Variants in PLAC1 observed in about 807,000 individuals in gnomAD.
The protein encoded by PLAC1 is placenta associated 1.
For synonymous variants in PLAC1, 68 were observed against 62.1 expected (o/e 1.09, Z -0.44); for missense variants, 136 against 163.2 (o/e 0.83, Z 0.91).
At chrX:134,577,426 C>T (rs991160140) in intron 2 of PLAC1, among the ~76,000 whole-genome samples, 4 of 111,729 alleles carry the variant, frequency 3.6e-5, no homozygotes, top group Admixed American at 9.5e-5. Context: ...CAGTGGCTCA[C>T]GCCTGTAATC....
chrX:134,620,747 G>GA (rs1379371518), intron 1 of PLAC1, among the ~76,000 whole-genome samples: 5 of 112,038 alleles, frequency 4.5e-5, no homozygotes, highest in Non-Finnish European at 9.4e-5. Context: ...CGTAGTGTTA[G>GA]AAAATGAGAA....
intron 1 of PLAC1, among the ~76,000 whole-genome samples, chrX:134,616,455 C>T (rs112907737): frequency 0.11 from 12,389 of 109,968 alleles, 1,759 homozygotes; most frequent in African/African-American, 0.39. Context: ...GCTAACATGG[C>T]GAAACCCCAT....
intron 1 of PLAC1, among the ~76,000 whole-genome samples, chrX:134,621,185 C>A (rs1022057266): frequency 4.5e-5 from 5 of 110,785 alleles, no homozygotes; most frequent in Non-Finnish European, 9.4e-5. Flanking sequence ...GTGGCTCATG[C>A]CTGTAATCCC....
intron 2 of PLAC1, among the ~76,000 whole-genome samples, chrX:134,584,792 T>C (rs917710060): frequency 4.5e-5 from 5 of 111,257 alleles, no homozygotes; most frequent in Non-Finnish European, 9.4e-5. Flanking sequence ...CCACAATGAA[T>C]TGCCTGTGTG....
At chrX:134,696,347 G>C (rs2078563069) in intron 2 of PLAC1, among the ~76,000 whole-genome samples, 1 of 111,527 alleles carries the variant, frequency 9.0e-6, no homozygotes, top group East Asian at 2.8e-4. Context: ...TGGGTAATGA[G>C]GGGGAGTGGA....
intron 2 of PLAC1, among the ~76,000 whole-genome samples, chrX:134,667,722 A>C (rs1236295486): frequency 3.6e-5 from 4 of 110,653 alleles, no homozygotes; most frequent in Non-Finnish European, 7.6e-5. Flanking sequence ...GGAGTTTGAG[A>C]TCCGCCTGGG....
At chrX:134,577,883 G>C (rs1453985423) in intron 2 of PLAC1, among the ~76,000 whole-genome samples, 1 of 109,605 alleles carries the variant, frequency 9.1e-6, no homozygotes, top group Non-Finnish European at 1.9e-5. Context: ...GGTTATTTAT[G>C]TAGGTCTTCT....
intron 1 of PLAC1, among the ~76,000 whole-genome samples, chrX:134,631,775 T>C (rs1264117711): frequency 8.9e-6 from 1 of 112,021 alleles, no homozygotes; most frequent in Non-Finnish European, 1.9e-5. Flanking sequence ...CTGTGATAGT[T>C]ACAGACAGGT....
intron 1 of PLAC1, among the ~76,000 whole-genome samples, chrX:134,613,550 C>T (rs1376875401): frequency 2.7e-5 from 3 of 111,179 alleles, no homozygotes; most frequent in Non-Finnish European, 5.7e-5. Context: ...AGTCATCTCC[C>T]AGGCTCTCTC....
At chrX:134,581,020 C>T (rs1252599115) in intron 2 of PLAC1, among the ~76,000 whole-genome samples, 1 of 111,974 alleles carries the variant, frequency 8.9e-6, no homozygotes, top group African/African-American at 3.2e-5. Flanking sequence ...CCAACTCTTG[C>T]ATTTGTTATG....
At chrX:134,671,389 G>A (rs752491081) in intron 2 of PLAC1, among the ~76,000 whole-genome samples, 19 of 111,544 alleles carry the variant, frequency 1.7e-4, no homozygotes, top group South Asian at 3.8e-4. Flanking sequence ...GTAAGTCAAT[G>A]TATGATGCGA....
At chrX:134,718,135 A>T (rs1366361904) in intron 2 of PLAC1, among the ~76,000 whole-genome samples, 2 of 111,958 alleles carry the variant, frequency 1.8e-5, no homozygotes, top group Non-Finnish European at 3.8e-5. Flanking sequence ...AGGTCAGAGC[A>T]AGTCTTAAAT....
intron 2 of PLAC1, among the ~76,000 whole-genome samples, chrX:134,576,335 G>A (rs1005631954): frequency 1.5e-4 from 16 of 109,373 alleles, no homozygotes; most frequent in Admixed American, 9.9e-5. Flanking sequence ...TCAGGAGTTC[G>A]AGACCAGCCT....
intron 2 of PLAC1, among the ~76,000 whole-genome samples, chrX:134,575,900 A>T (rs1192782112): frequency 9.1e-6 from 1 of 109,672 alleles, no homozygotes; most frequent in East Asian, 2.8e-4. Context: ...ATAATATTTT[A>T]AAATACACCA....
chrX:134,610,666 C>T (rs1021395964), intron 1 of PLAC1, among the ~76,000 whole-genome samples: 1 of 111,226 alleles, frequency 9.0e-6, no homozygotes, highest in African/African-American at 3.3e-5. Context: ...CAAAGCTGGT[C>T]GAGGGTGACA....
chrX:134,752,438 C>T (rs185266497), intron 1 of PLAC1, among the ~76,000 whole-genome samples: 1,821 of 111,661 alleles, frequency 0.016, 36 homozygotes, highest in African/African-American at 0.055. Context: ...TCTTCCCCTT[C>T]TCAAAATGAA....
intron 2 of PLAC1, among the ~76,000 whole-genome samples, chrX:134,708,703 T>G (rs1022766130): frequency 9.1e-6 from 1 of 110,039 alleles, no homozygotes; most frequent in African/African-American, 3.3e-5. Flanking sequence ...CACGCCTGAC[T>G]AATTTTGTAT....
At chrX:134,626,822 C>T (rs187954009) in intron 1 of PLAC1, among the ~76,000 whole-genome samples, 1 of 112,296 alleles carries the variant, frequency 8.9e-6, no homozygotes, top group East Asian at 2.8e-4. Flanking sequence ...AAAACAATAG[C>T]CAACCTTCTC....
intron 2 of PLAC1, among the ~76,000 whole-genome samples, chrX:134,710,995 ACT>A (rs1437554281): frequency 8.9e-6 from 1 of 111,790 alleles, no homozygotes; most frequent in East Asian, 2.8e-4. Flanking sequence ...GATACTAATA[ACT>A]CTATATGTTA....
Sources: gnomAD v4.1 joint callset for allele counts (sites outside exome capture counted in the v4.1 genomes callset) on GRCh38, gnomAD v4.1.1 for gene constraint, MANE v1.5 for transcripts, NCBI Gene and HGNC (gene_info 2026-07-23, HGNC 2026-07-21) for gene names.